Variants in SSX2IP observed in about 807,000 individuals in gnomAD.
The protein encoded by SSX2IP is SSX family member 2 interacting protein, also known as afadin- and alpha-actinin-binding protein.
A neutral mutation model predicts 84.9 loss-of-function variants in SSX2IP; 55 were observed. That is an observed-to-expected ratio of 0.65 (90% CI 0.52 to 0.81). The LOEUF is 0.81. Among genes scored for constraint, SSX2IP ranks in the 30% least tolerant of loss-of-function variants. SSX2IP has a pLI of 0.00. For missense variants in SSX2IP, 664 were observed against 705.2 expected (o/e 0.94, Z 0.66); for synonymous variants, 239 against 234.7 (o/e 1.02, Z -0.17).
intron 1 of SSX2IP, among the ~76,000 whole-genome samples, chr1:84,679,889 G>T (rs1043491709): frequency 6.6e-6 from 1 of 152,180 alleles, no homozygotes; most frequent in Non-Finnish European, 1.5e-5. Flanking sequence ...CACAGAGCTA[G>T]CAAGTGGCAG....
chr1:84,666,441 A>G (rs1652786798), intron 4 of SSX2IP, among the ~76,000 whole-genome samples: 2 of 152,270 alleles, frequency 1.3e-5, no homozygotes, highest in South Asian at 2.1e-4. Flanking sequence ...TTTAATCTAC[A>G]TATCAAATTT....
chr1:84,666,967 G>A (rs1274774888), intron 4 of SSX2IP, among the ~76,000 whole-genome samples: 1 of 152,088 alleles, frequency 6.6e-6, no homozygotes, highest in Non-Finnish European at 1.5e-5. Context: ...ATAATAACTT[G>A]CACAATTTCT....
At chr1:84,689,928 G>A (rs1380933519) in intron 1 of SSX2IP, among the ~76,000 whole-genome samples, 1 of 152,162 alleles carries the variant, frequency 6.6e-6, no homozygotes, top group East Asian at 1.9e-4. Context: ...TCTTGCGGCT[G>A]CACTAGCAAA....
At chr1:84,671,335 G>C (rs1421170008) in intron 1 of SSX2IP, 27 bp from the exon 2 acceptor site, 1 of 1,464,364 alleles carries the variant, frequency 6.8e-7, no homozygotes, top group African/African-American at 1.4e-5. Context: ...TAGAATAATA[G>C]CATCTAATTT....
At chr1:84,660,868 T>C (rs1419389507) in intron 8 of SSX2IP, among the ~76,000 whole-genome samples, 4 of 122,486 alleles carry the variant, frequency 3.3e-5, no homozygotes, top group Non-Finnish European at 6.6e-5. Flanking sequence ...CTGGCTAACA[T>C]GGTAAAACCC....
chr1:84,669,741 T>G lies in SSX2IP; in HGVS notation c.366A>C (p.Thr122=), dbSNP rs753149921. The part of the protein sequence containing the change: ...KNLLAQENVE[T]QNLKLGSDMD... ...TATCACTTCCCAGCTTCAAATTCTG[T>G]GTCTCCACATTTTCCTGAGCTAGAA... The change falls in exon 4 of 14, where the codon ACA becomes ACC. Residue 122 remains threonine (T), a synonymous_variant. Transcript: ENST00000342203. 1.9e-6 allele frequency: 3 copies of G among 1,613,880 alleles called. No individual in the cohort carries two copies. The South Asian group carries it at 3.3e-5, about 18-fold the overall frequency.
intron 6 of SSX2IP, among the ~76,000 whole-genome samples, chr1:84,663,362 T>C (rs1481370775): frequency 1.3e-5 from 2 of 152,180 alleles, no homozygotes; most frequent in Admixed American, 6.5e-5. Flanking sequence ...CACTTTATAC[T>C]TTCAGCATTT....
intron 5 of SSX2IP, among the ~76,000 whole-genome samples, chr1:84,665,493 GT>G (rs956363304): frequency 1.3e-5 from 2 of 152,066 alleles, no homozygotes; most frequent in African/African-American, 4.8e-5. Context: ...ATGGTCAGGG[GT>G]CATACTTTAG....
At chr1:84,665,261 T>G (rs1427782922) in intron 5 of SSX2IP, among the ~76,000 whole-genome samples, 1 of 152,172 alleles carries the variant, frequency 6.6e-6, no homozygotes, top group African/African-American at 2.4e-5. Context: ...TAGTCAAAAT[T>G]GTCTGTGAAC....
chr1:84,664,312 T>C (rs752666128), intron 6 of SSX2IP, 105 bp downstream of exon 6: 24 of 1,183,808 alleles, frequency 2.0e-5, no homozygotes, highest in Non-Finnish European at 2.2e-6. Flanking sequence ...GTATAAAGCA[T>C]GAAAATAACA....
rs900043140 is a variant in SSX2IP at position 84,647,478 on chromosome 1, G to A, written c.1800C>T (p.Ser600=). ...GSQEGCYSGC[S]LSYTNSHVEK... The stretch of plus-strand genomic sequence containing the variant: ...CTACATGAGAATTTGTGTAGCTCAA[G>A]GAGCATCCACTATAGCAACCTTCCT... Residue 600 remains serine, a synonymous_variant, in exon 14 of 14, where the codon TCC becomes TCT. Coordinates refer to ENST00000342203, the MANE Select transcript of SSX2IP (RefSeq NM_001166293.2). 1.2e-6 allele frequency: 2 copies of A among 1,611,840 alleles called. No homozygotes were observed. Among genetic ancestry groups the A allele is most frequent in the South Asian group, 1.1e-5 (1 of 90,722 alleles).
intron 1 of SSX2IP, among the ~76,000 whole-genome samples, chr1:84,683,150 C>CTTT (rs58800832): frequency 7.0e-6 from 1 of 142,962 alleles, no homozygotes; most frequent in African/African-American, 2.6e-5. Context: ...ATTCAAGCTG[C>CTTT]TTTTTTTTTT....
intron 6 of SSX2IP, among the ~76,000 whole-genome samples, chr1:84,663,294 G>A (rs2994436): frequency 0.079 from 12,093 of 152,170 alleles, 715 homozygotes; most frequent in African/African-American, 0.17. Context: ...CAGCCAGACC[G>A]CTATAATGGA....
intron 12 of SSX2IP, among the ~76,000 whole-genome samples, chr1:84,651,393 C>G (rs936427118): frequency 6.6e-6 from 1 of 152,120 alleles, no homozygotes; most frequent in African/African-American, 2.4e-5. Flanking sequence ...CATGCACAGT[C>G]CCCCTCTCAT....
At position 84,679,956 on chromosome 1, in the gene SSX2IP, C is replaced by T. The variant is rs187470242; in HGVS notation, c.-89-8648G>A. On this transcript the variant is annotated intron_variant, in intron 1 of 13. Transcript: ENST00000342203. ...GGACTGCAGAGCCCATTCTCTTAAC[C>T]ATCACATATTGTTGCTTCAGTGGGT... 9.3e-4 allele frequency among the ~76,000 whole-genome samples: 141 copies of T among 152,286 alleles called. 1 individual carries two copies. The highest frequency in any genetic ancestry group is 6.3e-4 in the Non-Finnish European group (43 of 68,028).
intron 13 of SSX2IP, chr1:84,649,878 T>G: frequency 1.9e-6 from 1 of 513,932 alleles, no homozygotes; most frequent in South Asian, 1.5e-5. Flanking sequence ...GAGCCATGTT[T>G]TTTTACACTG....
chr1:84,655,344 A>G, intron 11 of SSX2IP: 1 of 1,098,804 alleles, frequency 9.1e-7, no homozygotes, highest in South Asian at 2.3e-5. Context: ...CATTACTGCT[A>G]CAATTTTTGA....
chr1:84,677,790 A>T (rs1037356529), intron 1 of SSX2IP, among the ~76,000 whole-genome samples: 5 of 152,186 alleles, frequency 3.3e-5, no homozygotes, highest in African/African-American at 9.7e-5. Flanking sequence ...GAGGCCTGCC[A>T]AAAGCCATAC....
At chr1:84,669,535 T>C in intron 4 of SSX2IP, 146 bp downstream of exon 4, 3 of 652,810 alleles carry the variant, frequency 4.6e-6, no homozygotes, top group Non-Finnish European at 7.7e-6. Context: ...CAGATGTGTG[T>C]AAATTATAAG....
Sources: allele counts gnomAD v4.1 joint callset (sites outside exome capture counted in the v4.1 genomes callset), GRCh38; gene constraint gnomAD v4.1.1; transcripts MANE v1.5; gene names NCBI Gene and HGNC (gene_info 2026-07-23, HGNC 2026-07-21).